The following CCDC3 variants were observed in gnomAD, a reference collection of about 807,000 sequenced individuals.
The protein encoded by CCDC3 is coiled-coil domain containing 3.
CCDC3 carries 24 observed loss-of-function variants against 21.4 expected under a neutral mutation model. That is an observed-to-expected ratio of 1.12 (90% CI 0.81 to 1.58). The LOEUF is 1.58. Among genes scored for constraint, CCDC3 ranks in the 40% most tolerant of loss-of-function variants. The pLI, the probability that CCDC3 is intolerant of heterozygous loss-of-function variation, is 0.00. For missense variants in CCDC3, 425 were observed against 360.9 expected, an observed-to-expected ratio of 1.18 and a Z score of -1.44; for synonymous variants, 186 against 166.0, an observed-to-expected ratio of 1.12 and a Z score of -0.93.
At chr10:13,082,944 CTA>C (rs1837060089) in intron 3 of CCDC3, among the ~76,000 whole-genome samples, 1 of 152,142 alleles carries the variant, frequency 6.6e-6, no homozygotes, top group African/African-American at 2.4e-5. Context: ...TATTCCTCTT[CTA>C]TGTGTTTTCT....
intron 5 of CCDC3, among the ~76,000 whole-genome samples, chr10:13,010,211 G>A (rs560759811): frequency 1.1e-4 from 16 of 152,192 alleles, no homozygotes; most frequent in African/African-American, 3.9e-4. Context: ...TCATGCCACT[G>A]CACTCCAGCC....
chr10:12,995,875 T>C (rs749502743), intron 2 of CCDC3, among the ~76,000 whole-genome samples: 1 of 152,248 alleles, frequency 6.6e-6, no homozygotes. Flanking sequence ...CATTGTTCTT[T>C]GTTTTTCCCA....
chr10:12,962,595 C>T (rs997632903), intron 2 of CCDC3, among the ~76,000 whole-genome samples: 4 of 152,128 alleles, frequency 2.6e-5, no homozygotes, highest in Non-Finnish European at 5.9e-5. Flanking sequence ...GAGCAAGACT[C>T]TGTCTCAAAA....
intron 2 of CCDC3, chr10:13,098,710 A>ATTTTTGTTTTTTT (rs1832666921): frequency 1.5e-5 from 1 of 64,854 alleles, no homozygotes; most frequent in Admixed American, 2.5e-4. Context: ...TCCTGCACTG[A>ATTTTTGTTTTTTT]TTTTTTTTTT....
intron 2 of CCDC3, among the ~76,000 whole-genome samples, chr10:12,940,716 G>C (rs1185617056): frequency 6.6e-6 from 1 of 152,126 alleles, no homozygotes; most frequent in African/African-American, 2.4e-5. Context: ...CTTCTCCCTT[G>C]CCTTCTGCAC....
In CCDC3 at chr10:13,070,078, G is replaced by C. The variant is rs913892773; in HGVS notation, c.-270+3790C>G. ...CAAGCAAAACAAGAGTTAACTGAAC[G>C]GTCTAAACTAATACAAAACTGAGGT... On this transcript the variant is annotated intron_variant, in intron 4 of 6. Coordinates refer to the CCDC3 transcript ENST00000378839. Among the ~76,000 whole-genome samples the C allele has an allele frequency of 4.7e-5, 7 of 148,460 alleles. No homozygotes were observed. In the East Asian group the frequency reaches 5.9e-4, roughly 13 times the overall value.
intron 5 of CCDC3, among the ~76,000 whole-genome samples, chr10:13,008,048 G>A (rs1835944768): frequency 6.6e-6 from 1 of 152,164 alleles, no homozygotes; most frequent in Non-Finnish European, 1.5e-5. Flanking sequence ...AAGGGTTAAG[G>A]AGAGTCCCTG....
intron 2 of CCDC3, among the ~76,000 whole-genome samples, chr10:12,932,579 G>T (rs955683182): frequency 2.6e-5 from 4 of 152,096 alleles, no homozygotes; most frequent in African/African-American, 9.7e-5. Flanking sequence ...CTATTTGGGG[G>T]AATTTTCTAC....
intron 2 of CCDC3, among the ~76,000 whole-genome samples, chr10:12,928,633 G>C (rs1425965533): frequency 1.3e-5 from 2 of 152,184 alleles, no homozygotes; most frequent in Non-Finnish European, 2.9e-5. Flanking sequence ...CATTGGCTAA[G>C]TCGTAACAAT....
chr10:13,084,486 C>T (rs1033356322), intron 3 of CCDC3, among the ~76,000 whole-genome samples: 1 of 152,048 alleles, frequency 6.6e-6, no homozygotes, highest in Non-Finnish European at 1.5e-5. Flanking sequence ...CAGGGTTCTC[C>T]ATGTTGGTCA....
At chr10:12,945,938 G>C (rs1203925585) in intron 2 of CCDC3, among the ~76,000 whole-genome samples, 1 of 152,172 alleles carries the variant, frequency 6.6e-6, no homozygotes, top group Non-Finnish European at 1.5e-5. Flanking sequence ...GTTAAAACAA[G>C]TAGATTCTTC....
intron 2 of CCDC3, among the ~76,000 whole-genome samples, chr10:12,950,847 G>A (rs564952719): frequency 2.0e-5 from 3 of 152,252 alleles, no homozygotes; most frequent in African/African-American, 7.2e-5. Context: ...TGGGGGGCTT[G>A]GGGGTGGCTG....
At chr10:13,048,533 C>T (rs184549167) in intron 5 of CCDC3, among the ~76,000 whole-genome samples, 2 of 152,120 alleles carry the variant, frequency 1.3e-5, no homozygotes, top group African/African-American at 2.4e-5. Context: ...TTGCACTTTA[C>T]GGATTCTGTT....
chr10:12,938,900 G>A (rs1215509713), intron 2 of CCDC3, among the ~76,000 whole-genome samples: 1 of 152,082 alleles, frequency 6.6e-6, no homozygotes, highest in Non-Finnish European at 1.5e-5. Context: ...AACCTCACCT[G>A]CGTTCTGGTC....
chr10:13,093,858 C>G (rs900031440), intron 3 of CCDC3, among the ~76,000 whole-genome samples: 7 of 152,138 alleles, frequency 4.6e-5, no homozygotes, highest in African/African-American at 1.7e-4. Context: ...AAAACTATGT[C>G]TAAAATTAGA....
chr10:12,947,114 G>A (rs1589017234), intron 2 of CCDC3, among the ~76,000 whole-genome samples: 1 of 151,322 alleles, frequency 6.6e-6, no homozygotes, highest in East Asian at 1.9e-4. Context: ...TCAAAGTAAT[G>A]TAACATTCCC....
At chr10:13,072,407 A>G (rs757771524) in intron 4 of CCDC3, among the ~76,000 whole-genome samples, 3 of 152,190 alleles carry the variant, frequency 2.0e-5, no homozygotes, top group Non-Finnish European at 4.4e-5. Context: ...AGAGGGGGGA[A>G]TAAGACAGCC....
chr10:13,089,623 AC>A lies in CCDC3; in HGVS notation c.-503+8901del, dbSNP rs199787486. Among the ~76,000 whole-genome samples, 286 of 149,124 alleles carry A rather than the reference AC, an allele frequency of 1.9e-3. 3 individuals carry two copies. Among genetic ancestry groups the A allele is most frequent in the African/African-American group, 6.6e-3 (263 of 40,102 alleles). ...CTCCAACTTTTTATTTTCTTTCAGC[AC>A]CCCCCCTTAAATTGGAGGAATTCTC... is the stretch of plus-strand genomic sequence containing the variant. On this transcript the variant is annotated intron_variant, in intron 3 of 6. Transcript: ENST00000378839.
At chr10:13,000,774 G>A (rs756512248) in intron 1 of CCDC3, among the ~76,000 whole-genome samples, 2 of 152,170 alleles carry the variant, frequency 1.3e-5, no homozygotes, top group South Asian at 2.1e-4. Flanking sequence ...TTGAGAAGGT[G>A]TCAAGAAATG....
Sources: allele counts gnomAD v4.1 joint callset (sites outside exome capture counted in the v4.1 genomes callset), GRCh38; gene constraint gnomAD v4.1.1; transcripts MANE v1.5; gene names NCBI Gene and HGNC (gene_info 2026-07-23, HGNC 2026-07-21).